NKAIN2: variants seen among roughly 807,000 people sequenced by gnomAD.
NKAIN2 encodes sodium/potassium transporting ATPase interacting 2, also known as sodium/potassium-transporting ATPase subunit beta-1-interacting protein 2.
Under a neutral mutation model 32.6 loss-of-function variants are expected in NKAIN2, and 14 were observed. That is an observed-to-expected ratio of 0.43 (90% CI 0.28 to 0.67). The LOEUF is 0.67. Among genes scored for constraint, NKAIN2 ranks in the 30% least tolerant of loss-of-function variants. The probability of loss-of-function intolerance (pLI) is 0.17; values close to 1 mark genes in which losing one functional copy is unlikely to be tolerated. For synonymous variants in NKAIN2, 80 were observed against 87.2 expected, an observed-to-expected ratio of 0.92 and a Z score of 0.46; for missense variants, 198 against 258.3, an observed-to-expected ratio of 0.77 and a Z score of 1.60.
chr6:124,450,532 T>C (rs1158788905), intron 3 of NKAIN2, among the ~76,000 whole-genome samples: 1 of 151,868 alleles, frequency 6.6e-6, no homozygotes, highest in Non-Finnish European at 1.5e-5. Context: ...AATGTAAGCC[T>C]ACAGTTATAA....
At chr6:123,905,956 T>A (rs1370310362) in intron 1 of NKAIN2, among the ~76,000 whole-genome samples, 2 of 152,194 alleles carry the variant, frequency 1.3e-5, no homozygotes, top group African/African-American at 4.8e-5. Context: ...CAGATTAAGA[T>A]GGATTTTGGA....
chr6:124,202,546 G>T (rs540170407), intron 1 of NKAIN2, among the ~76,000 whole-genome samples: 1 of 152,026 alleles, frequency 6.6e-6, no homozygotes, highest in Non-Finnish European at 1.5e-5. Flanking sequence ...GCCACATCCT[G>T]AGGGGAAAAT....
intron 3 of NKAIN2, among the ~76,000 whole-genome samples, chr6:124,629,640 ACT>A (rs1783486422): frequency 6.6e-6 from 1 of 152,042 alleles, no homozygotes; most frequent in African/African-American, 2.4e-5. Flanking sequence ...TCTTTTAGCC[ACT>A]CTTTGTTTAT....
intron 3 of NKAIN2, among the ~76,000 whole-genome samples, chr6:124,364,066 T>A (rs528878808): frequency 5.4e-4 from 82 of 152,046 alleles, no homozygotes; most frequent in Non-Finnish European, 1.0e-3. Flanking sequence ...CTGGAATTTA[T>A]GTAAAGAATC....
At chr6:124,098,595 G>C (rs1434153332) in intron 1 of NKAIN2, among the ~76,000 whole-genome samples, 1 of 152,128 alleles carries the variant, frequency 6.6e-6, no homozygotes, top group Non-Finnish European at 1.5e-5. Context: ...AGTGGGCCGG[G>C]CATGGCAACT....
chr6:124,614,048 C>T (rs1016892660), intron 3 of NKAIN2, among the ~76,000 whole-genome samples: 1 of 152,152 alleles, frequency 6.6e-6, no homozygotes, highest in Non-Finnish European at 1.5e-5. Context: ...CTCAAGAATT[C>T]ATTGAATTAT....
At chr6:124,294,800 A>C (rs1242089594) in intron 2 of NKAIN2, among the ~76,000 whole-genome samples, 1 of 151,990 alleles carries the variant, frequency 6.6e-6, no homozygotes, top group Admixed American at 6.6e-5. Context: ...CTCATCTGGG[A>C]ACTCCATGCC....
intron 2 of NKAIN2, among the ~76,000 whole-genome samples, chr6:124,329,008 T>C (rs1243541219): frequency 6.6e-6 from 1 of 152,140 alleles, no homozygotes; most frequent in East Asian, 1.9e-4. Flanking sequence ...AAGGTGAATA[T>C]ACAAGATTAG....
At chr6:124,737,745 C>T (rs1777023144) in intron 4 of NKAIN2, among the ~76,000 whole-genome samples, 2 of 151,976 alleles carry the variant, frequency 1.3e-5, no homozygotes, top group South Asian at 2.1e-4. Flanking sequence ...CTGATACAGA[C>T]AATAAGGTCC....
intron 1 of NKAIN2, among the ~76,000 whole-genome samples, chr6:124,014,411 T>C (rs1582930764): frequency 6.6e-6 from 1 of 152,124 alleles, no homozygotes; most frequent in South Asian, 2.1e-4. Context: ...TATATATATT[T>C]CTACAAAGTA....
intron 3 of NKAIN2, among the ~76,000 whole-genome samples, chr6:124,557,967 C>T (rs767009314): frequency 2.0e-5 from 3 of 152,204 alleles, no homozygotes; most frequent in Non-Finnish European, 4.4e-5. Context: ...CAAACTTGCA[C>T]ATGACCTAGT....
intron 3 of NKAIN2, among the ~76,000 whole-genome samples, chr6:124,527,068 A>G (rs759530515): frequency 7.3e-4 from 111 of 152,176 alleles, no homozygotes; most frequent in Non-Finnish European, 1.3e-3. Flanking sequence ...CTTCTTATTG[A>G]AAAAGTACCC....
intron 1 of NKAIN2, among the ~76,000 whole-genome samples, chr6:123,960,796 A>G (rs987811984): frequency 6.6e-6 from 1 of 151,868 alleles, no homozygotes; most frequent in Admixed American, 6.6e-5. Context: ...CTCTTCCTAT[A>G]TGAATGAGAA....
At chr6:124,268,428 T>G (rs955994841) in intron 1 of NKAIN2, among the ~76,000 whole-genome samples, 2 of 152,194 alleles carry the variant, frequency 1.3e-5, no homozygotes, top group Admixed American at 1.3e-4. Flanking sequence ...TCAGAGACAA[T>G]GTCTTAACTT....
chr6:124,318,896 T>G (rs944558572), intron 2 of NKAIN2, among the ~76,000 whole-genome samples: 1 of 152,134 alleles, frequency 6.6e-6, no homozygotes, highest in Non-Finnish European at 1.5e-5. Context: ...CTGGGTGTTA[T>G]GCTTAACCAA....
chr6:123,891,775 G>C (rs1455563121), intron 1 of NKAIN2, among the ~76,000 whole-genome samples: 1 of 152,128 alleles, frequency 6.6e-6, no homozygotes, highest in African/African-American at 2.4e-5. Flanking sequence ...AAACCAATAA[G>C]CTAAAGGTTG....
intron 1 of NKAIN2, among the ~76,000 whole-genome samples, chr6:123,930,434 T>TA (rs1776202052): frequency 7.2e-5 from 11 of 152,186 alleles, no homozygotes; most frequent in Non-Finnish European, 1.2e-4. Flanking sequence ...CTTTCTTGAT[T>TA]ATACTGCATA....
chr6:124,785,336 C>T (rs768270421), intron 4 of NKAIN2, among the ~76,000 whole-genome samples: 4 of 152,010 alleles, frequency 2.6e-5, no homozygotes, highest in South Asian at 2.1e-4. Flanking sequence ...AGCATTTTTG[C>T]GATGTCTACT....
intron 1 of NKAIN2, among the ~76,000 whole-genome samples, chr6:123,872,275 A>G (rs1427365294): frequency 2.0e-5 from 3 of 152,258 alleles, no homozygotes; most frequent in Admixed American, 6.5e-5. Context: ...AGAAGTTCAC[A>G]TATGAGTGTA....
Sources: gnomAD v4.1 joint callset for allele counts (sites outside exome capture counted in the v4.1 genomes callset) on GRCh38, gnomAD v4.1.1 for gene constraint, MANE v1.5 for transcripts, NCBI Gene and HGNC (gene_info 2026-07-23, HGNC 2026-07-21) for gene names.